Variants in IL3RA observed in about 807,000 individuals in gnomAD.
The protein encoded by IL3RA is interleukin 3 receptor subunit alpha.
A neutral mutation model predicts 52.3 loss-of-function variants in IL3RA; 73 were observed. The observed-to-expected ratio is 1.40, with a 90% CI of 1.16 to 1.70. The LOEUF (loss-of-function observed/expected upper bound fraction) is 1.70. Ranked by LOEUF, IL3RA falls within the 40% of genes most tolerant of loss-of-function variation. IL3RA has a pLI of 0.00. For missense variants in IL3RA, 664 were observed against 504.4 expected (o/e 1.32, Z -3.03); for synonymous variants, 260 against 194.0 (o/e 1.34, Z -2.83).
intron 3 of IL3RA, among the ~76,000 whole-genome samples, chrX:1,346,645 G>A (rs1481033203): frequency 6.8e-6 from 1 of 148,074 alleles, no homozygotes; most frequent in Non-Finnish European, 1.5e-5. Flanking sequence ...CAAAACAAAA[G>A]TGTGTGCTCA....
At chrX:1,342,583 A>C (rs2085535620) in intron 2 of IL3RA, among the ~76,000 whole-genome samples, 1 of 116,432 alleles carries the variant, frequency 8.6e-6, no homozygotes, top group African/African-American at 3.4e-5. Context: ...TTTTTGACAC[A>C]GAGTTTCATT....
In IL3RA at chrX:1,356,147, A is replaced by G. The variant is rs2086685138; in HGVS notation, c.617-74A>G. 4.1e-6 allele frequency: 4 copies of G among 965,268 alleles called. No individual in the cohort carries two copies. In the Admixed American group the frequency reaches 6.6e-5, roughly 16 times the overall value. 59.8% of individuals were successfully genotyped at this position (965,268 alleles called of 1,614,324 possible). ...GAGAAGTAATTTGAAGTATCTCCAG[A>G]AAAAAAAAGAGAAAAAGAAAAAGAA... On this transcript the variant is annotated intron_variant, in intron 6 of 11. Transcript: ENST00000331035.
chrX:1,358,388 G>A (rs1302123993), intron 7 of IL3RA, among the ~76,000 whole-genome samples: 3 of 151,510 alleles, frequency 2.0e-5, no homozygotes, highest in East Asian at 2.0e-4. Context: ...GGCCAGGCGC[G>A]ATGGGGCATG....
chrX:1,343,798 G>A (rs1177561176), intron 2 of IL3RA, among the ~76,000 whole-genome samples: 1 of 130,062 alleles, frequency 7.7e-6, no homozygotes, highest in African/African-American at 3.2e-5. Context: ...TTGAGACGGA[G>A]TTTTTTTGTT....
At chrX:1,380,961 G>T in intron 10 of IL3RA, 62 bp from the exon 11 acceptor site, 2 of 1,375,462 alleles carry the variant, frequency 1.5e-6, no homozygotes, top group Non-Finnish European at 2.1e-6. Flanking sequence ...GACACGCTGT[G>T]TCCCAGATGA....
Position 1,348,640 on chromosome X carries a change from TTTTCTCTTTCTTTCTTTCTTTC to T in IL3RA, c.298+101_298+122del, listed in dbSNP as rs1369334562. 41 of 721,664 alleles carry T rather than the reference TTTTCTCTTTCTTTCTTTCTTTC, an allele frequency of 5.7e-5. No individual in the cohort carries two copies. The Middle Eastern group carries it at 1.1e-3, about 20-fold the overall frequency. The allele number at this position is 721,664 out of a possible 1,614,324, so 44.7% of individuals were successfully genotyped here. A position where few individuals can be genotyped will look rare whatever the true frequency, so the allele number is the denominator to read the frequency against. ...CTTCGCTGTGTCTTTTTTCTTTTCT[TTTTCTCTTTCTTTCTTTCTTTC>T]TTTCTTTCTTTCTTTCTTTCTTTCT... On this transcript the variant is annotated intron_variant, in intron 4 of 11. Transcript: ENST00000331035.
At chrX:1,362,309 CTT>C (rs1409641883) in intron 8 of IL3RA, among the ~76,000 whole-genome samples, 1 of 151,744 alleles carries the variant, frequency 6.6e-6, no homozygotes. Flanking sequence ...CTCTGTGTCT[CTT>C]TGTATCTCCG....
At position 1,352,524 on chromosome X, in the gene IL3RA, C is replaced by G; in HGVS notation, c.616+18C>G. ...ACAGATTGGTGAGTAGCCCGGGACACTCCCTCCCACCCTCAGTTCTGTGAT... is the reference window on the plus strand; with the variant it reads ...ACAGATTGGTGAGTAGCCCGGGACAGTCCCTCCCACCCTCAGTTCTGTGAT... On this transcript the variant is annotated intron_variant, in intron 6 of 11. Transcript: ENST00000331035. 1.2e-6 allele frequency: 2 copies of G among 1,609,070 alleles called. No individual in the cohort carries two copies. Among genetic ancestry groups the G allele is most frequent in the Non-Finnish European group, 1.7e-6 (2 of 1,177,484 alleles).
intron 9 of IL3RA, among the ~76,000 whole-genome samples, chrX:1,378,029 T>C (rs1569528235): frequency 6.7e-6 from 1 of 149,042 alleles, no homozygotes; most frequent in Non-Finnish European, 1.5e-5. Flanking sequence ...CTATGAGAAA[T>C]ACAAAAATTA....
intron 4 of IL3RA, among the ~76,000 whole-genome samples, chrX:1,349,748 C>T (rs1302453382): frequency 2.0e-5 from 3 of 151,120 alleles, no homozygotes; most frequent in African/African-American, 4.9e-5. Flanking sequence ...CCGCAAACTC[C>T]GCCTCCCGGG....
At chrX:1,360,056 T>TGTCTCTCTCCCTTTCTCCCTCC (rs2087090200) in intron 8 of IL3RA, among the ~76,000 whole-genome samples, 1 of 147,912 alleles carries the variant, frequency 6.8e-6, no homozygotes, top group African/African-American at 2.5e-5. Flanking sequence ...TCTGTCTCTG[T>TGTCTCTCTCCCTTTCTCCCTCC]ATCTCTCTCC....
intron 1 of IL3RA, among the ~76,000 whole-genome samples, chrX:1,340,847 T>C (rs1238898745): frequency 6.6e-6 from 1 of 152,054 alleles, no homozygotes; most frequent in Non-Finnish European, 1.5e-5. Flanking sequence ...CTGGACGCGG[T>C]GGCTGACGCC....
intron 8 of IL3RA, among the ~76,000 whole-genome samples, chrX:1,363,814 G>C (rs1471340224): frequency 2.0e-5 from 3 of 152,024 alleles, no homozygotes; most frequent in East Asian, 3.9e-4. Flanking sequence ...CTGCCTCCTG[G>C]GCTCAAGGGA....
At chrX:1,370,124 G>A (rs1314476637) in intron 9 of IL3RA, among the ~76,000 whole-genome samples, 1 of 18,410 alleles carries the variant, frequency 5.4e-5, no homozygotes, top group Non-Finnish European at 8.1e-5. Context: ...GGGAGAAGAC[G>A]GCGTCTCCAA....
chrX:1,340,559 T>G (rs2085450544), intron 1 of IL3RA, among the ~76,000 whole-genome samples: 1 of 150,290 alleles, frequency 6.7e-6, no homozygotes, highest in African/African-American at 2.5e-5. Context: ...GGCACATGCA[T>G]GCACACATAC....
chrX:1,344,415 CAG>C (rs1420455970), intron 2 of IL3RA, among the ~76,000 whole-genome samples: 1 of 151,594 alleles, frequency 6.6e-6, no homozygotes, highest in African/African-American at 2.4e-5. Context: ...GCCTGGGCGA[CAG>C]AGTGAGACTC....
intron 4 of IL3RA, among the ~76,000 whole-genome samples, chrX:1,348,821 C>A (rs2085940547): frequency 1.4e-5 from 2 of 142,314 alleles, no homozygotes; most frequent in African/African-American, 5.4e-5. Context: ...TCCCTCCCTC[C>A]TTCTCTCCTT....
intron 6 of IL3RA, among the ~76,000 whole-genome samples, 187 bp downstream of exon 6, chrX:1,352,693 G>C (rs1341828392): frequency 6.6e-6 from 1 of 152,192 alleles, no homozygotes; most frequent in African/African-American, 2.4e-5. Context: ...TCCTGGCTTG[G>C]AGAGAGGGTC....
chrX:1,338,009 T>A (rs1430160007), intron 1 of IL3RA, among the ~76,000 whole-genome samples: 1 of 142,764 alleles, frequency 7.0e-6, no homozygotes, highest in African/African-American at 2.7e-5. Context: ...CATCTATAGA[T>A]GAATGGAGAA....
Sources: allele counts gnomAD v4.1 joint callset (sites outside exome capture counted in the v4.1 genomes callset), GRCh38; gene constraint gnomAD v4.1.1; transcripts MANE v1.5; gene names NCBI Gene and HGNC (gene_info 2026-07-23, HGNC 2026-07-21).